B4GALT3: variants seen among roughly 807,000 people sequenced by gnomAD.
The protein encoded by B4GALT3 is N-acetyllactosamine synthase.
In B4GALT3, 29 loss-of-function variants were observed where a neutral mutation model predicts 40.7. That is an observed-to-expected ratio of 0.71 (90% confidence interval 0.53 to 0.97). B4GALT3 has a LOEUF of 0.97. Among genes scored for constraint, B4GALT3 ranks in the 50% least tolerant of loss-of-function variants. The probability of loss-of-function intolerance (pLI) is 0.00; values close to 1 mark genes in which losing one functional copy is unlikely to be tolerated. For synonymous variants in B4GALT3, 182 were observed against 203.9 expected (o/e 0.89, Z 0.92); for missense variants, 390 against 522.3 (o/e 0.75, Z 2.47).
chr1:161,176,958 G>A, intron 1 of B4GALT3: 9 of 1,536,126 alleles, frequency 5.9e-6, no homozygotes, highest in Non-Finnish European at 7.0e-6. Flanking sequence ...CATGTGCCTG[G>A]GTGCCAACTC....
chr1:161,173,615 TGTC>T lies in B4GALT3; in HGVS notation c.790_792del (p.Asp264del). 6.2e-7 allele frequency: 1 copy of T among 1,613,986 alleles called. No individual in the cohort carries two copies. Among genetic ancestry groups the T allele is most frequent in the Non-Finnish European group, 8.5e-7 (1 of 1,180,010 alleles). On this transcript the variant is annotated inframe_deletion, in exon 6 of 8. Transcript: ENST00000319769. The stretch of plus-strand genomic sequence containing the variant: ...GGCAGGAAGTCTGACCTGGTAGCAA[TGTC>T]GTCATCCTCACCACCCCAGCCCCAG...
At position 161,171,597 on chromosome 1, in the gene B4GALT3, TCA is replaced by T. The variant is rs1305816822; in HGVS notation, c.*217_*218del. On this transcript the variant is annotated 3_prime_UTR_variant, in exon 8 of 8. Coordinates refer to ENST00000319769, the MANE Select transcript of B4GALT3 (RefSeq NM_003779.4). ...CACATAAAATCATGACATCAAGGAT[TCA>T]CAGTCATAAGCCCTACAGGAGACCC... 19 of 637,744 alleles carry T rather than the reference TCA, an allele frequency of 3.0e-5. No homozygotes were observed. Among genetic ancestry groups the T allele is most frequent in the African/African-American group, 1.8e-4 (10 of 54,526 alleles). The allele number at this position is 637,744 out of a possible 1,614,324, so 39.5% of individuals were successfully genotyped here. A position where few individuals can be genotyped will look rare whatever the true frequency, so the allele number is the denominator to read the frequency against.
intron 3 of B4GALT3, 40 bp downstream of exon 3, chr1:161,175,768 C>G (rs1460504940): frequency 6.2e-7 from 1 of 1,605,394 alleles, no homozygotes; most frequent in Non-Finnish European, 8.5e-7. Flanking sequence ...GTCTCCGCAC[C>G]TTGTCCTTCC....
In B4GALT3 at chr1:161,171,463, T is replaced by G; in HGVS notation, c.*353A>C. The G allele has an allele frequency of 1.7e-6, 1 of 584,506 alleles. No individual in the cohort carries two copies. Among genetic ancestry groups the G allele is most frequent in the Non-Finnish European group, 3.0e-6 (1 of 334,164 alleles). 36.2% of individuals were successfully genotyped at this position (584,506 alleles called of 1,614,324 possible). On this transcript the variant is annotated 3_prime_UTR_variant, in exon 8 of 8. Transcript: ENST00000319769. ...CCGGGAACCATAAATAGAATAAATA[T>G]TCACAGAGGTCCGAGGAGAAGCCAG...
chr1:161,176,533 G>T lies in B4GALT3; in HGVS notation c.-114C>A, dbSNP rs1421853450. The T allele has an allele frequency of 4.6e-6, 2 of 431,068 alleles. No individual in the cohort carries two copies. Among genetic ancestry groups the T allele is most frequent in the East Asian group, 4.4e-5 (1 of 22,750 alleles). The allele number at this position is 431,068 out of a possible 1,614,324, so 26.7% of individuals were successfully genotyped here. ...TCTAAAATTGGAAATGTCACAGAGGGCAGAGAAAGGCTCCATCCAGCACTC... is the reference window on the plus strand; with the variant it reads ...TCTAAAATTGGAAATGTCACAGAGGTCAGAGAAAGGCTCCATCCAGCACTC... On this transcript the variant is annotated 5_prime_UTR_variant, in exon 2 of 8. Coordinates refer to ENST00000319769, the MANE Select transcript of B4GALT3 (RefSeq NM_003779.4).
At chr1:161,176,934 C>T (rs1391911290) in intron 1 of B4GALT3, 3 of 1,535,148 alleles carry the variant, frequency 2.0e-6, no homozygotes, top group Non-Finnish European at 1.7e-6. Context: ...AGGAAACAGG[C>T]TCCTTCTATT....
rs770821883 is a variant in B4GALT3, at chr1:161,175,942, C to T, written c.119G>A (p.Arg40Gln). The change falls in exon 3 of 8, where the codon CGA (arginine) becomes CAA (glutamine). Residue 40 changes from arginine (R) to glutamine (Q), a missense_variant. Arg to Gln is a conservative substitution (Grantham distance 43). Transcript: ENST00000319769. ...ATAGTCAAATGTCGGTCCCTGATCT[C>T]GGCCAAATAGGGCACTGAGACTTCG... is the stretch of plus-strand genomic sequence containing the variant. ...GFRSLSALFGRDQGPTFDYSH... is the reference protein window; with the variant it reads ...GFRSLSALFGQDQGPTFDYSH... 9.9e-6 allele frequency: 16 copies of T among 1,613,988 alleles called. No homozygotes were observed. The Admixed American group carries it at 1.8e-4, about 18-fold the overall frequency.
chr1:161,175,047 C>A lies in B4GALT3; in HGVS notation c.435G>T (p.Leu145=). ...GCTGCTGGCGCTGCAAGAAGGGGTG[C>A]AGGTGGTAGAGCAGCAGGCGCAGGT... The part of the protein sequence containing the change: ...EHHLRLLLYH[L]HPFLQRQQLA... Residue 145 remains leucine (L), a synonymous_variant, in exon 4 of 8, where the codon CTG becomes CTT. Transcript: ENST00000319769. 6.2e-7 allele frequency: 1 copy of A among 1,613,864 alleles called. No individual in the cohort carries two copies. The highest frequency in any genetic ancestry group is 8.5e-7 in the Non-Finnish European group (1 of 1,179,960).
In B4GALT3 at chr1:161,171,800, A is replaced by G; in HGVS notation, c.*16T>C. 1 of 1,613,340 alleles carries G rather than the reference A, an allele frequency of 6.2e-7. No homozygotes were observed. The highest frequency in any genetic ancestry group is 8.5e-7 in the Non-Finnish European group (1 of 1,179,618). ...ATGAATTCGGTTTCATGATTAAGGT[A>G]GACAGGAAGGAGGAGTCAGTGTGAA... is the stretch of plus-strand genomic sequence containing the variant. On this transcript the variant is annotated 3_prime_UTR_variant, in exon 8 of 8. Transcript: ENST00000319769.
In B4GALT3 at chr1:161,176,125, G is replaced by C. The variant is rs1052077695; in HGVS notation, c.-14-51C>G. 5.7e-6 allele frequency: 9 copies of C among 1,590,150 alleles called. No individual in the cohort carries two copies. The African/African-American group carries it at 1.2e-4, about 21-fold the overall frequency. ...GGGTAGGCAGGAAGAGAGCAAGCCA[G>C]CAGAGAGGTCAGTAGGTAGGGTTGA... is the stretch of plus-strand genomic sequence containing the variant. On this transcript the variant is annotated intron_variant, in intron 2 of 7. Coordinates refer to ENST00000319769, the MANE Select transcript of B4GALT3 (RefSeq NM_003779.4).
At chr1:161,173,833 T>C in intron 5 of B4GALT3, 26 bp downstream of exon 5, 1 of 1,611,124 alleles carries the variant, frequency 6.2e-7, no homozygotes, top group Non-Finnish European at 8.5e-7. Context: ...CTTCCCTGTT[T>C]CCCAGTACCC....
chr1:161,173,828 C>A, intron 5 of B4GALT3, 31 bp downstream of exon 5: 1 of 1,610,186 alleles, frequency 6.2e-7, no homozygotes. Flanking sequence ...GTAGGCTTCC[C>A]TGTTTCCCAG....
At chr1:161,176,171 A>T (rs1663443215) in intron 2 of B4GALT3, 97 bp from the exon 3 acceptor site, 11 of 1,343,114 alleles carry the variant, frequency 8.2e-6, no homozygotes, top group Non-Finnish European at 1.1e-5. Flanking sequence ...AGGGGTAAAG[A>T]GGAAAAAGCA....
chr1:161,172,414 AAAC>A (rs1157101652), intron 6 of B4GALT3, 83 bp from the exon 7 acceptor site: 15 of 1,244,388 alleles, frequency 1.2e-5, no homozygotes, highest in East Asian at 2.4e-5. Context: ...ACACACAAAA[AAAC>A]AACTATTACT....
intron 4 of B4GALT3, 124 bp downstream of exon 4, chr1:161,174,869 A>G: frequency 9.5e-7 from 1 of 1,047,552 alleles, no homozygotes; most frequent in Non-Finnish European, 1.4e-6. Context: ...GTGCTTCTCC[A>G]CACTCTAACA....
rs1463000941 is a variant in B4GALT3, at chr1:161,177,272, C to T, written c.-161+151G>A. On this transcript the variant is annotated intron_variant, in intron 1 of 7. Transcript: ENST00000319769. ...TTGCTTTTGCCCTACCTACTAGCAA[C>T]GTGAGCCCGCCCGGCCCCCGTCCAT... The T allele has an allele frequency of 5.1e-6, 3 of 591,260 alleles. No homozygotes were observed. In the African/African-American group the frequency reaches 5.6e-5, roughly 11 times the overall value. 36.6% of individuals were successfully genotyped at this position (591,260 alleles called of 1,614,324 possible). A position where few individuals can be genotyped will look rare whatever the true frequency, so the allele number is the denominator to read the frequency against.
chr1:161,176,772 C>A, intron 1 of B4GALT3, 193 bp from the exon 2 acceptor site: 2 of 1,291,530 alleles, frequency 1.5e-6, no homozygotes, highest in African/African-American at 1.5e-5. Context: ...TACTTAACCA[C>A]CCCCGTACCC....
rs367870203 is a variant in B4GALT3 at position 161,175,930 on chromosome 1, G to C, written c.131C>G (p.Pro44Arg). The change falls in exon 3 of 8, where the codon CCG (proline) becomes CGG (arginine). Residue 44 changes from proline (P) to arginine (R), a missense_variant. By Grantham distance (103) the Pro-to-Arg change is moderately radical. Transcript: ENST00000319769. ...ACGAGGGTGAGAATAGTCAAATGTC[G>C]GTCCCTGATCTCGGCCAAATAGGGC... ...LSALFGRDQG[P>R]TFDYSHPRDV... The C allele has an allele frequency of 8.1e-6, 13 of 1,614,112 alleles. No individual in the cohort carries two copies. In the African/African-American group the frequency reaches 1.5e-4, roughly 18 times the overall value.
chr1:161,176,921 A>T, intron 1 of B4GALT3: 1 of 1,536,202 alleles, frequency 6.5e-7, no homozygotes, highest in South Asian at 1.2e-5. Context: ...CCCAGGGCGA[A>T]GTAGGAAACA....
Sources: gnomAD v4.1 joint callset for allele counts on GRCh38, gnomAD v4.1.1 for gene constraint, MANE v1.5 for transcripts, NCBI Gene and HGNC (gene_info 2026-07-23, HGNC 2026-07-21) for gene names.